The following PPP4R4 variants were observed in gnomAD, a reference collection of about 807,000 sequenced individuals.
PPP4R4 encodes serine/threonine-protein phosphatase 4 regulatory subunit 4.
A neutral mutation model predicts 121.8 loss-of-function variants in PPP4R4; 70 were observed. The observed-to-expected ratio is 0.57, with a 90% CI of 0.47 to 0.70. The LOEUF is 0.70. PPP4R4 is among the 30% of genes least tolerant of loss of function. PPP4R4 has a pLI of 0.00. For missense variants in PPP4R4, 875 were observed against 1,033.6 expected (o/e 0.85, Z 2.10); for synonymous variants, 348 against 355.7 (o/e 0.98, Z 0.24).
chr14:94,275,484 A>G lies in PPP4R4; in HGVS notation c.2560A>G (p.Ser854Gly). The change falls in exon 24 of 25, where the codon AGT (serine) becomes GGT (glycine). Residue 854 changes from serine (S) to glycine (G), a missense_variant. Ser to Gly is a moderately conservative substitution (Grantham distance 56, BLOSUM62 0). Coordinates refer to ENST00000304338, the MANE Select transcript of PPP4R4 (RefSeq NM_058237.2). ...GTGNSVDPKSSGSKDTQPRKA... is the reference protein window; with the variant it reads ...GTGNSVDPKSGGSKDTQPRKA... ...AGGTAACTCAGTTGACCCCAAGAGC[A>G]GTGGAAGTAAAGATACACAACCACG... The G allele has an allele frequency of 6.2e-7, 1 of 1,614,100 alleles. No individual in the cohort carries two copies. Among genetic ancestry groups the G allele is most frequent in the Non-Finnish European group, 8.5e-7 (1 of 1,179,978 alleles).
At chr14:94,238,114 C>A (rs932119071) in intron 8 of PPP4R4, among the ~76,000 whole-genome samples, 3 of 152,178 alleles carry the variant, frequency 2.0e-5, no homozygotes, top group Non-Finnish European at 4.4e-5. Context: ...GAGAACTAAC[C>A]CAGTCCCACG....
intron 16 of PPP4R4, among the ~76,000 whole-genome samples, chr14:94,254,666 AAAT>A (rs1444873253): frequency 6.6e-6 from 1 of 152,222 alleles, no homozygotes; most frequent in African/African-American, 2.4e-5. Context: ...TAAAAATAAA[AAAT>A]AATAATTTGT....
intron 2 of PPP4R4, among the ~76,000 whole-genome samples, chr14:94,206,371 C>T (rs1365896799): frequency 6.6e-6 from 1 of 151,938 alleles, no homozygotes; most frequent in Admixed American, 6.6e-5. Context: ...AAGTGAGTTT[C>T]TTGTAGACAG....
At chr14:94,177,240 T>C (rs1325652276) in intron 2 of PPP4R4, among the ~76,000 whole-genome samples, 1 of 152,240 alleles carries the variant, frequency 6.6e-6, no homozygotes, top group African/African-American at 2.4e-5. Context: ...TTTCTGCATC[T>C]TAGACTTTAT....
chr14:94,248,978 T>C (rs1893039998), intron 14 of PPP4R4, among the ~76,000 whole-genome samples: 2 of 152,110 alleles, frequency 1.3e-5, no homozygotes, highest in South Asian at 4.2e-4. Flanking sequence ...GTGCACAAAT[T>C]GTTACAACTT....
chr14:94,201,252 C>T (rs1004831154), intron 2 of PPP4R4, among the ~76,000 whole-genome samples: 1 of 152,102 alleles, frequency 6.6e-6, no homozygotes, highest in Admixed American at 6.6e-5. Context: ...ATCATATGGT[C>T]TTTCTTGGAG....
intron 3 of PPP4R4, among the ~76,000 whole-genome samples, chr14:94,224,156 T>A (rs1406521079): frequency 6.6e-6 from 1 of 152,144 alleles, no homozygotes. Flanking sequence ...TGAATGTAGA[T>A]TCAAAGAACT....
At chr14:94,277,675 G>C (rs1326076289) in intron 24 of PPP4R4, among the ~76,000 whole-genome samples, 2 of 152,106 alleles carry the variant, frequency 1.3e-5, no homozygotes, top group Admixed American at 6.5e-5. Context: ...TATTTATGCT[G>C]GTTCTCCTTT....
chr14:94,174,560 G>C lies in PPP4R4; in HGVS notation c.95G>C (p.Arg32Thr), dbSNP rs747375472. ...EDLQELTIIE[R>T]PVRRSLKTPE... ...CTGCAGGAGCTCACCATCATCGAGA[G>C]GCCGGTCCGCCGGAGCCTCAAGGTG... The change falls in exon 1 of 25, where the codon AGG (arginine) becomes ACG (threonine). Residue 32 changes from arginine to threonine, a missense_variant. Coordinates refer to ENST00000304338, the MANE Select transcript of PPP4R4 (RefSeq NM_058237.2). 2 of 1,612,070 alleles carry C rather than the reference G, an allele frequency of 1.2e-6. No individual in the cohort carries two copies. The highest frequency in any genetic ancestry group is 1.7e-6 in the Non-Finnish European group (2 of 1,179,144).
intron 3 of PPP4R4, among the ~76,000 whole-genome samples, chr14:94,209,927 A>G (rs1429951877): frequency 6.6e-6 from 1 of 152,114 alleles, no homozygotes; most frequent in Non-Finnish European, 1.5e-5. Context: ...GAGAGCAGTG[A>G]ACTTTAGAGG....
chr14:94,259,222 T>G (rs1471278097), intron 18 of PPP4R4, 73 bp from the exon 19 acceptor site: 1 of 1,528,456 alleles, frequency 6.5e-7, no homozygotes, highest in African/African-American at 1.4e-5. Context: ...ATCATTTATA[T>G]TGAAAGGAAT....
intron 14 of PPP4R4, among the ~76,000 whole-genome samples, chr14:94,247,717 A>T (rs529533531): frequency 6.6e-6 from 1 of 152,174 alleles, no homozygotes; most frequent in Non-Finnish European, 1.5e-5. Context: ...ATTCACCACA[A>T]TCAAGTGGGC....
At chr14:94,205,599 A>T (rs946630962) in intron 2 of PPP4R4, among the ~76,000 whole-genome samples, 6 of 151,396 alleles carry the variant, frequency 4.0e-5, no homozygotes, top group African/African-American at 1.5e-4. Flanking sequence ...GGAAAGTTAG[A>T]TTATTGATTT....
At chr14:94,180,571 A>G (rs1888918094) in intron 2 of PPP4R4, among the ~76,000 whole-genome samples, 1 of 148,020 alleles carries the variant, frequency 6.8e-6, no homozygotes, top group Admixed American at 6.7e-5. Context: ...TTGCTTTCCC[A>G]GGGCAGTCAG....
At chr14:94,250,146 C>T (rs764875518) in intron 14 of PPP4R4, 26 bp from the exon 15 acceptor site, 5 of 1,459,022 alleles carry the variant, frequency 3.4e-6, no homozygotes, top group South Asian at 3.4e-5. Context: ...CCTAGTGTAA[C>T]TGTCTGTCTT....
chr14:94,185,225 T>C (rs1889203753), intron 2 of PPP4R4, among the ~76,000 whole-genome samples: 2 of 152,282 alleles, frequency 1.3e-5, no homozygotes, highest in South Asian at 4.2e-4. Flanking sequence ...ATAAATAGGC[T>C]GGGCATAGTG....
intron 20 of PPP4R4, 59 bp downstream of exon 20, chr14:94,265,006 A>C: frequency 3.2e-6 from 4 of 1,245,026 alleles, no homozygotes; most frequent in Non-Finnish European, 4.6e-6. Flanking sequence ...GCATCCTGGT[A>C]TTCTGAAAGA....
intron 9 of PPP4R4, among the ~76,000 whole-genome samples, chr14:94,241,572 G>T (rs1300314127): frequency 6.6e-6 from 1 of 151,890 alleles, no homozygotes; most frequent in Non-Finnish European, 1.5e-5. Flanking sequence ...TTATACTTTT[G>T]AAATTAAAAT....
At chr14:94,220,396 C>G (rs926851711) in intron 3 of PPP4R4, among the ~76,000 whole-genome samples, 3 of 152,012 alleles carry the variant, frequency 2.0e-5, no homozygotes, top group Non-Finnish European at 2.9e-5. Flanking sequence ...ACTGGACATT[C>G]TAGCCAGTAC....
Sources: gnomAD v4.1 joint callset for allele counts (sites outside exome capture counted in the v4.1 genomes callset) on GRCh38, gnomAD v4.1.1 for gene constraint, MANE v1.5 for transcripts, NCBI Gene and HGNC (gene_info 2026-07-23, HGNC 2026-07-21) for gene names.